The following RRAS2 variants were observed in gnomAD, a reference collection of about 807,000 sequenced individuals.
The protein encoded by RRAS2 is RAS related 2.
In RRAS2, 7 loss-of-function variants were observed where a neutral mutation model predicts 27.6. That is an observed-to-expected ratio of 0.25 (90% CI 0.14 to 0.48). The LOEUF is 0.48. Ranked by LOEUF, RRAS2 falls within the 20% of genes least tolerant of loss-of-function variation. The pLI is 0.99. For synonymous variants in RRAS2, 86 were observed against 90.9 expected (o/e 0.95, Z 0.31); for missense variants, 178 against 256.2 (o/e 0.69, Z 2.08).
At chr11:14,322,635 T>C (rs970287899) in intron 1 of RRAS2, among the ~76,000 whole-genome samples, 5 of 152,244 alleles carry the variant, frequency 3.3e-5, no homozygotes, top group African/African-American at 1.2e-4. Flanking sequence ...TCCTCTGTAA[T>C]ACGTATGTTA....
At chr11:14,352,777 A>G (rs929679639) in intron 1 of RRAS2, among the ~76,000 whole-genome samples, 2 of 148,668 alleles carry the variant, frequency 1.3e-5, no homozygotes, top group South Asian at 4.3e-4. Flanking sequence ...AGAGAGAGAG[A>G]GAGGGAGAGA....
At chr11:14,293,299 C>A (rs577893281) in intron 4 of RRAS2, among the ~76,000 whole-genome samples, 1 of 151,468 alleles carries the variant, frequency 6.6e-6, no homozygotes, top group South Asian at 2.1e-4. Context: ...CTGATGTTTA[C>A]ACTTTTCCAA....
At chr11:14,309,104 T>C (rs1289538317) in intron 1 of RRAS2, among the ~76,000 whole-genome samples, 2 of 152,204 alleles carry the variant, frequency 1.3e-5, no homozygotes, top group Non-Finnish European at 2.9e-5. Flanking sequence ...AACTCACTTC[T>C]AGTTGTAACT....
At chr11:14,341,789 A>C in intron 1 of RRAS2, 1 of 453,940 alleles carries the variant, frequency 2.2e-6, no homozygotes, top group Non-Finnish European at 4.4e-6. Context: ...GTTATGAAAA[A>C]ATATAAATAC....
At chr11:14,294,356 T>G in intron 4 of RRAS2, 115 bp downstream of exon 4, 1 of 624,986 alleles carries the variant, frequency 1.6e-6, no homozygotes, top group South Asian at 2.8e-5. Flanking sequence ...AACACTTAAG[T>G]GGCATGGAGC....
intron 1 of RRAS2, among the ~76,000 whole-genome samples, chr11:14,303,854 C>G (rs1371083761): frequency 2.6e-5 from 4 of 152,086 alleles, no homozygotes; most frequent in Non-Finnish European, 5.9e-5. Context: ...AAAGGCCACA[C>G]CAATTAAGTG....
intron 1 of RRAS2, among the ~76,000 whole-genome samples, chr11:14,344,072 C>T (rs1785555708): frequency 6.6e-6 from 1 of 151,860 alleles, no homozygotes; most frequent in South Asian, 2.1e-4. Flanking sequence ...AAGCCGGGGA[C>T]ATCAAGGCTG....
intron 1 of RRAS2, among the ~76,000 whole-genome samples, chr11:14,348,720 G>A (rs1848888393): frequency 6.6e-6 from 1 of 152,130 alleles, no homozygotes; most frequent in South Asian, 2.1e-4. Context: ...GAGACTACAA[G>A]ATGCTCCAAG....
chr11:14,341,876 T>C (rs570185122), intron 1 of RRAS2: 2 of 452,750 alleles, frequency 4.4e-6, no homozygotes, highest in East Asian at 1.4e-4. Flanking sequence ...CTCAATAATA[T>C]TCCCCTCTCT....
In RRAS2 at chr11:14,325,521, G is replaced by A. The variant is rs182180609; in HGVS notation, c.109-29666C>T. Among the ~76,000 whole-genome samples the A allele has an allele frequency of 3.5e-4, 53 of 152,106 alleles. 2 individuals carry two copies. The East Asian group carries it at 5.4e-3, about 16-fold the overall frequency. On this transcript the variant is annotated intron_variant, in intron 1 of 5. Transcript: ENST00000256196. ...TCACCTTGTTAGCCAGAATGGTCTC[G>A]ATCTCCTGACCTCGTGATCCTCCCG...
chr11:14,279,023 A>C lies in RRAS2; in HGVS notation c.*314T>G, dbSNP rs1849447604. 4.9e-6 allele frequency: 1 copy of C among 203,734 alleles called. No homozygotes were observed. The highest frequency in any genetic ancestry group is 2.3e-5 in the African/African-American group (1 of 43,108). 12.6% of individuals were successfully genotyped at this position (203,734 alleles called of 1,614,324 possible). ...TCACAACCTGTAGCTTCAGCTTGGC[A>C]AACAGCTTAGATTCCAAAACTGATT... On this transcript the variant is annotated 3_prime_UTR_variant, in exon 6 of 6. Transcript: ENST00000256196.
intron 4 of RRAS2, 36 bp from the exon 5 acceptor site, chr11:14,281,756 T>A: frequency 6.6e-7 from 1 of 1,511,314 alleles, no homozygotes; most frequent in Non-Finnish European, 9.0e-7. Flanking sequence ...GGTACATTAT[T>A]AACAACTGGA....
chr11:14,325,270 AG>A (rs1435868826), intron 1 of RRAS2, among the ~76,000 whole-genome samples: 1 of 151,868 alleles, frequency 6.6e-6, no homozygotes, highest in Non-Finnish European at 1.5e-5. Context: ...CACTTACCTC[AG>A]CAAGAGTACT....
chr11:14,323,863 C>G (rs1475143856), intron 1 of RRAS2, among the ~76,000 whole-genome samples: 1 of 151,504 alleles, frequency 6.6e-6, no homozygotes, highest in Non-Finnish European at 1.5e-5. Context: ...CCCAGAAATT[C>G]AGGAACAGAA....
chr11:14,362,345 TA>T (rs1478959111), upstream of RRAS2, among the ~76,000 whole-genome samples: 2 of 152,212 alleles, frequency 1.3e-5, no homozygotes, highest in East Asian at 1.9e-4. Flanking sequence ...TCTATTCCTT[TA>T]TTTTTTTTAT....
At chr11:14,282,465 T>A (rs538174505) in intron 4 of RRAS2, among the ~76,000 whole-genome samples, 1 of 152,326 alleles carries the variant, frequency 6.6e-6, no homozygotes, top group East Asian at 1.9e-4. Context: ...TAAGAAAACA[T>A]AAACTGAATG....
At chr11:14,335,952 G>GA (rs1438351137) in intron 1 of RRAS2, among the ~76,000 whole-genome samples, 3 of 152,116 alleles carry the variant, frequency 2.0e-5, no homozygotes, top group Non-Finnish European at 4.4e-5. Flanking sequence ...AGACACCAAA[G>GA]AAAAAACCTC....
intron 1 of RRAS2, among the ~76,000 whole-genome samples, chr11:14,309,080 A>G (rs1319271647): frequency 2.0e-5 from 3 of 151,526 alleles, no homozygotes; most frequent in Non-Finnish European, 4.4e-5. Flanking sequence ...TGCCCCATAA[A>G]CAGGTAGGTA....
chr11:14,359,472 C>T (rs1355082230), upstream of RRAS2, among the ~76,000 whole-genome samples: 1 of 152,180 alleles, frequency 6.6e-6, no homozygotes, highest in Non-Finnish European at 1.5e-5. Flanking sequence ...GGGCTGTTGG[C>T]ATATTAACTC....
Sources: allele counts gnomAD v4.1 joint callset (sites outside exome capture counted in the v4.1 genomes callset), GRCh38; gene constraint gnomAD v4.1.1; transcripts MANE v1.5; gene names NCBI Gene and HGNC (gene_info 2026-07-23, HGNC 2026-07-21).